The following COQ9 variants were observed in gnomAD, a reference collection of about 807,000 sequenced individuals.
The protein encoded by COQ9 is ubiquinone biosynthesis protein COQ9, mitochondrial.
In COQ9, 35 loss-of-function variants were observed where a neutral mutation model predicts 42.4. That is an observed-to-expected ratio of 0.83 (90% CI 0.63 to 1.10). COQ9 has a LOEUF of 1.10. Ranked by LOEUF, COQ9 falls within the 50% of genes least tolerant of loss-of-function variation. COQ9 has a pLI of 0.00. For synonymous variants in COQ9, 155 were observed against 155.1 expected, an observed-to-expected ratio of 1.00 and a Z score of 0.00; for missense variants, 406 against 414.6, an observed-to-expected ratio of 0.98 and a Z score of 0.18.
intron 5 of COQ9, 153 bp from the exon 6 acceptor site, chr16:57,458,093 C>G: frequency 1.5e-6 from 1 of 682,852 alleles, no homozygotes; most frequent in South Asian, 1.5e-5. Context: ...GCATTGCTAG[C>G]TGCCCACAAC....
intron 5 of COQ9, 89 bp downstream of exon 5, chr16:57,457,104 G>C (rs1376339947): frequency 2.0e-6 from 2 of 997,822 alleles, no homozygotes; most frequent in Non-Finnish European, 1.6e-6. Context: ...TTTGTACACT[G>C]TTCAGAACTT....
intron 3 of COQ9, chr16:57,453,915 G>A (rs1167698489): frequency 1.3e-5 from 2 of 152,232 alleles, no homozygotes; most frequent in African/African-American, 2.4e-5. Context: ...GCTAGTCCAA[G>A]AGACATGACA....
At chr16:57,459,995 C>A in intron 7 of COQ9, 56 bp from the exon 8 acceptor site, 2 of 1,561,288 alleles carry the variant, frequency 1.3e-6, no homozygotes, top group Non-Finnish European at 1.8e-6. Flanking sequence ...TCCTGCCTGT[C>A]TCAAGTTTAA....
At chr16:57,459,940 G>A in intron 7 of COQ9, 111 bp from the exon 8 acceptor site, 1 of 1,075,666 alleles carries the variant, frequency 9.3e-7, no homozygotes, top group Non-Finnish European at 1.4e-6. Context: ...CAGTAACGTG[G>A]CCCCCTTGTC....
intron 6 of COQ9, among the ~76,000 whole-genome samples, chr16:57,458,570 T>C (rs1326148267): frequency 1.3e-5 from 2 of 152,250 alleles, no homozygotes; most frequent in Non-Finnish European, 1.5e-5. Context: ...TATTATTTCT[T>C]CCAGCTTGTG....
intron 5 of COQ9, 174 bp downstream of exon 5, chr16:57,457,189 AAG>A (rs1360351800): frequency 1.0e-5 from 7 of 691,170 alleles, no homozygotes; most frequent in Admixed American, 2.0e-5. Flanking sequence ...GGACATACCA[AAG>A]AGAGTGACTG....
At chr16:57,460,535 G>T (rs1247070699) in intron 8 of COQ9, 54 bp from the exon 9 acceptor site, 46 of 1,546,362 alleles carry the variant, frequency 3.0e-5, no homozygotes, top group Non-Finnish European at 3.8e-5. Flanking sequence ...TTCTATTAGA[G>T]TCTAGAGGCA....
At chr16:57,450,412 C>CAAAAAAAAAAAAAAAAAAAA (rs59815351) in intron 1 of COQ9, among the ~76,000 whole-genome samples, 1 of 92,462 alleles carries the variant, frequency 1.1e-5, no homozygotes. Context: ...GAGACTCTGA[C>CAAAAAAAAAAAAAAAAAAAA]AAAAAAAAAA....
rs1205447292 is a variant in COQ9 at position 57,458,192 on chromosome 16, A to C, written c.607-54A>C. On this transcript the variant is annotated intron_variant, in intron 5 of 8. Coordinates refer to ENST00000262507, the MANE Select transcript of COQ9 (RefSeq NM_020312.4). The stretch of plus-strand genomic sequence containing the variant: ...CTCTTGGAGAGGTAGATGCTGGTCA[A>C]CTATGCACCATTACCTGTGAGCAGA... 23 of 1,325,022 alleles carry C rather than the reference A, an allele frequency of 1.7e-5. No homozygotes were observed. In the Admixed American group the frequency reaches 4.0e-4, roughly 23 times the overall value. 82.1% of individuals were successfully genotyped at this position (1,325,022 alleles called of 1,614,324 possible). A position where few individuals can be genotyped will look rare whatever the true frequency, so the allele number is the denominator to read the frequency against.
chr16:57,458,200 C>A, intron 5 of COQ9, 46 bp from the exon 6 acceptor site: 1 of 1,394,180 alleles, frequency 7.2e-7, no homozygotes, highest in Non-Finnish European at 1.0e-6. Flanking sequence ...CAACTATGCA[C>A]CATTACCTGT....
At position 57,458,162 on chromosome 16, in the gene COQ9, T is replaced by C. The variant is rs186459603; in HGVS notation, c.607-84T>C. 7.7e-6 allele frequency: 8 copies of C among 1,037,096 alleles called. No homozygotes were observed. In the Admixed American group the frequency reaches 1.2e-4, roughly 15 times the overall value. 64.2% of individuals were successfully genotyped at this position (1,037,096 alleles called of 1,614,324 possible). ...AACCAGAGCTTGGCAGGCCCCCTCATACACCTCTTGGAGAGGTAGATGCTG... is the reference window on the plus strand; with the variant it reads ...AACCAGAGCTTGGCAGGCCCCCTCACACACCTCTTGGAGAGGTAGATGCTG... On this transcript the variant is annotated intron_variant, in intron 5 of 8. Coordinates refer to ENST00000262507, the MANE Select transcript of COQ9 (RefSeq NM_020312.4).
At chr16:57,450,248 T>TAG in intron 1 of COQ9, among the ~76,000 whole-genome samples, 1 of 152,046 alleles carries the variant, frequency 6.6e-6, no homozygotes, top group Non-Finnish European at 1.5e-5. Context: ...ACTCCGTCTC[T>TAG]ACTAAAAATA....
intron 5 of COQ9, 100 bp downstream of exon 5, chr16:57,457,115 A>G (rs1233493143): frequency 2.1e-6 from 2 of 933,172 alleles, no homozygotes; most frequent in Non-Finnish European, 3.5e-6. Flanking sequence ...TTCAGAACTT[A>G]GCTTCTCAAT....
At chr16:57,459,938 T>A (rs560740868) in intron 7 of COQ9, 113 bp from the exon 8 acceptor site, 2 of 1,063,762 alleles carry the variant, frequency 1.9e-6, no homozygotes, top group African/African-American at 3.1e-5. Context: ...TCCAGTAACG[T>A]GGCCCCCTTG....
Position 57,456,917 on chromosome 16 carries a change from T to C in COQ9, c.522-14T>C, listed in dbSNP as rs2030417624. 1 of 1,610,026 alleles carries C rather than the reference T, an allele frequency of 6.2e-7. No homozygotes were observed. Among genetic ancestry groups the C allele is most frequent in the Non-Finnish European group, 8.5e-7 (1 of 1,176,274 alleles). ...TTCACTCAGAGACACACTGTTTTCT[T>C]TTCCCTCTTCCAGGAAGAGGAAGAC... is the stretch of plus-strand genomic sequence containing the variant. On this transcript the variant is annotated splice_polypyrimidine_tract_variant and intron_variant, in intron 4 of 8. Transcript: ENST00000262507.
At chr16:57,453,159 A>G (rs1225836334) in intron 3 of COQ9, 6 of 593,440 alleles carry the variant, frequency 1.0e-5, no homozygotes, top group Admixed American at 5.6e-5. Context: ...TCTAAAGGCA[A>G]TCTATTAGGC....
At chr16:57,452,271 T>C (rs1435854411) in intron 2 of COQ9, among the ~76,000 whole-genome samples, 1 of 152,206 alleles carries the variant, frequency 6.6e-6, no homozygotes, top group East Asian at 1.9e-4. Flanking sequence ...TCATACCACA[T>C]GGCCTCATTT....
At chr16:57,449,781 G>A (rs1437597021) in intron 1 of COQ9, among the ~76,000 whole-genome samples, 2 of 152,134 alleles carry the variant, frequency 1.3e-5, no homozygotes, top group African/African-American at 4.8e-5. Context: ...CAGTATGAAT[G>A]GGGAATGACT....
chr16:57,457,121 T>TGAGCTATAGTTATAGAGAA, intron 5 of COQ9, 106 bp downstream of exon 5: 1 of 889,118 alleles, frequency 1.1e-6, no homozygotes, highest in Non-Finnish European at 1.9e-6. Context: ...ACTTAGCTTC[T>TGAGCTATAGTTATAGAGAA]CAATCTCTAT....
Sources: gnomAD v4.1 joint callset for allele counts (sites outside exome capture counted in the v4.1 genomes callset) on GRCh38, gnomAD v4.1.1 for gene constraint, MANE v1.5 for transcripts, NCBI Gene and HGNC (gene_info 2026-07-23, HGNC 2026-07-21) for gene names.